KLHL14: variants seen among roughly 807,000 people sequenced by gnomAD.
KLHL14 encodes the protein kelch like family member 14.
KLHL14 carries 22 observed loss-of-function variants against 64.3 expected under a neutral mutation model. That is an observed-to-expected ratio of 0.34 (90% confidence interval 0.24 to 0.49). The LOEUF (loss-of-function observed/expected upper bound fraction) is 0.49, where lower values mean the gene tolerates loss of function less well. Ranked by LOEUF, KLHL14 falls within the 20% of genes least tolerant of loss-of-function variation. KLHL14 has a pLI of 0.99. For synonymous variants in KLHL14, 322 were observed against 333.4 expected, an observed-to-expected ratio of 0.97 and a Z score of 0.37; for missense variants, 661 against 789.0, an observed-to-expected ratio of 0.84 and a Z score of 1.94.
At chr18:32,675,472 ATTG>A (rs2049807204) in intron 8 of KLHL14, among the ~76,000 whole-genome samples, 1 of 152,216 alleles carries the variant, frequency 6.6e-6, no homozygotes, top group African/African-American at 2.4e-5. Flanking sequence ...TATATTTCAG[ATTG>A]TTGTCTCACT....
intron 3 of KLHL14, among the ~76,000 whole-genome samples, chr18:32,709,698 A>G (rs1300576890): frequency 1.3e-5 from 2 of 152,146 alleles, no homozygotes; most frequent in African/African-American, 2.4e-5. Context: ...ATTTATTTCT[A>G]TGCTAGTGTA....
chr18:32,729,481 C>A (rs975263265), intron 3 of KLHL14, among the ~76,000 whole-genome samples: 1 of 152,166 alleles, frequency 6.6e-6, no homozygotes, highest in African/African-American at 2.4e-5. Flanking sequence ...GTGCTATTAG[C>A]CTGTGCTAGA....
At chr18:32,741,743 T>C (rs943238517) in intron 3 of KLHL14, among the ~76,000 whole-genome samples, 185 bp downstream of exon 3, 1 of 152,166 alleles carries the variant, frequency 6.6e-6, no homozygotes, top group African/African-American at 2.4e-5. Flanking sequence ...GACTACCAAA[T>C]TGGCCACCTC....
At chr18:32,737,953 T>A (rs879611243) in intron 3 of KLHL14, 3 of 152,188 alleles carry the variant, frequency 2.0e-5, no homozygotes, top group Admixed American at 2.0e-4. Context: ...TAAAAAGAAG[T>A]CATCATTGGT....
intron 3 of KLHL14, among the ~76,000 whole-genome samples, chr18:32,726,354 C>G (rs1437804842): frequency 1.3e-5 from 2 of 152,046 alleles, no homozygotes; most frequent in African/African-American, 4.8e-5. Flanking sequence ...CCGGGTGCAG[C>G]GGCTCACACC....
intron 3 of KLHL14, among the ~76,000 whole-genome samples, chr18:32,739,641 T>TGC (rs201049843): frequency 2.6e-3 from 307 of 117,974 alleles, no homozygotes; most frequent in Non-Finnish European, 3.5e-3. Flanking sequence ...ATAAGAACTT[T>TGC]GCACACACAC....
chr18:32,760,024 T>C (rs1405650730), intron 2 of KLHL14, among the ~76,000 whole-genome samples: 1 of 152,196 alleles, frequency 6.6e-6, no homozygotes, highest in Non-Finnish European at 1.5e-5. Flanking sequence ...CCTTTTTTAA[T>C]CCCATCGCTT....
At chr18:32,719,625 A>G (rs1304598616) in intron 3 of KLHL14, among the ~76,000 whole-genome samples, 1 of 152,212 alleles carries the variant, frequency 6.6e-6, no homozygotes, top group African/African-American at 2.4e-5. Flanking sequence ...TCGTTTAGGC[A>G]CTATTCATTC....
Position 32,770,828 on chromosome 18 carries a change from G to A in KLHL14, c.-43-194C>T, listed in dbSNP as rs1350142893. On this transcript the variant is annotated intron_variant, in intron 1 of 8. Transcript: ENST00000359358. The surrounding 1 kb of genome is among the most constrained non-coding windows in gnomAD (Gnocchi z 6.7). ...GTCCGAAGACGCTGGATCCGTGAGCGCCACCAGAAGGGCCCTGTCTGGGGT... is the reference window on the plus strand; with the variant it reads ...GTCCGAAGACGCTGGATCCGTGAGCACCACCAGAAGGGCCCTGTCTGGGGT... 6.4e-5 allele frequency: 31 copies of A among 488,150 alleles called. No homozygotes were observed. The highest frequency in any genetic ancestry group is 1.1e-5 in the Non-Finnish European group (3 of 275,942). 30.2% of individuals were successfully genotyped at this position (488,150 alleles called of 1,614,324 possible). A position where few individuals can be genotyped will look rare whatever the true frequency, so the allele number is the denominator to read the frequency against.
chr18:32,708,051 G>A (rs2049999141), intron 3 of KLHL14, among the ~76,000 whole-genome samples: 1 of 152,172 alleles, frequency 6.6e-6, no homozygotes, highest in South Asian at 2.1e-4. Context: ...TTATCCAACA[G>A]AGAGGGTTTG....
rs61737324 is a variant in KLHL14 at position 32,770,202 on chromosome 18, G to A, written c.390C>T (p.Cys130=). 0.054 allele frequency: 87,292 copies of A among 1,611,440 alleles called. 2,853 individuals are homozygous for A. The highest frequency in any genetic ancestry group is 0.12 in the African/African-American group (8,799 of 74,966). ...GCACCAGGCGCAGCCCGATGGACGAGCAGCCCTGCAGCACCAGGTTGTTGA... is the reference window on the plus strand; with the variant it reads ...GCACCAGGCGCAGCCCGATGGACGAACAGCCCTGCAGCACCAGGTTGTTGA... ...RAINNLVLQG[C]SSIGLRLVLE... is the part of the protein sequence containing the mutation. The change falls in exon 2 of 9, where the codon TGC becomes TGT. Residue 130 remains cysteine, a synonymous_variant. Coordinates refer to ENST00000359358, the MANE Select transcript of KLHL14 (RefSeq NM_020805.3). This position sits in a 1 kb window ranked among gnomAD's most constrained non-coding sequence, Gnocchi z 6.7.
At chr18:32,723,851 G>A (rs2050092240) in intron 3 of KLHL14, among the ~76,000 whole-genome samples, 1 of 152,120 alleles carries the variant, frequency 6.6e-6, no homozygotes, top group Non-Finnish European at 1.5e-5. Context: ...ATTAAACAGT[G>A]TCATCTGTTT....
At chr18:32,689,487 T>C (rs2049896528) in intron 4 of KLHL14, among the ~76,000 whole-genome samples, 1 of 152,098 alleles carries the variant, frequency 6.6e-6, no homozygotes, top group Non-Finnish European at 1.5e-5. Flanking sequence ...TCAACAAGAA[T>C]TGCTTCAGTG....
intron 2 of KLHL14, among the ~76,000 whole-genome samples, chr18:32,760,251 G>T (rs560959034): frequency 3.4e-4 from 51 of 151,790 alleles, no homozygotes; most frequent in Non-Finnish European, 4.9e-4. Context: ...GACTTTATCT[G>T]ATAAAAAAAC....
rs552607952 is a variant in KLHL14 at position 32,696,983 on chromosome 18, C to T, written c.1070-1431G>A. Among the ~76,000 whole-genome samples, 7 of 152,268 alleles carry T rather than the reference C, an allele frequency of 4.6e-5. No individual in the cohort carries two copies. In the East Asian group the frequency reaches 1.3e-3, roughly 29 times the overall value. ...TAAATATGCATTGTTTTTGAACTTA[C>T]ATCCACAAGGCGGAAGGCATTGGTG... On this transcript the variant is annotated intron_variant, in intron 3 of 8. Transcript: ENST00000359358.
rs1418208705 is a variant in KLHL14, at chr18:32,769,903, G to A, written c.689C>T (p.Pro230Leu). 2 of 1,613,986 alleles carry A rather than the reference G, an allele frequency of 1.2e-6. No homozygotes were observed. The highest frequency in any genetic ancestry group is 2.7e-5 in the African/African-American group (2 of 74,940). The change falls in exon 2 of 9, where the codon CCC becomes CTC. Residue 230 changes from proline to leucine, a missense_variant. Transcript: ENST00000359358. ...GAGCGCCAGCTCCGACTCCACGGGG[G>A]GCGGCAGCGAGTCCAGCAGGGCGCG... Reference protein sequence around the residue: ...EMRALLDSLPPPVESELALFQ... With the variant: ...EMRALLDSLPLPVESELALFQ...
chr18:32,765,486 T>C (rs2050337393), intron 2 of KLHL14, among the ~76,000 whole-genome samples: 2 of 152,186 alleles, frequency 1.3e-5, no homozygotes, highest in East Asian at 1.9e-4. Flanking sequence ...TAATCAATGG[T>C]CCTGTTTCAG....
chr18:32,755,465 T>C (rs537555370), intron 2 of KLHL14, among the ~76,000 whole-genome samples: 2 of 152,156 alleles, frequency 1.3e-5, no homozygotes, highest in Admixed American at 6.5e-5. Context: ...CCCCTAGAAT[T>C]TGGTAATTCC....
At chr18:32,678,900 G>A (rs2049824240) in intron 7 of KLHL14, among the ~76,000 whole-genome samples, 3 of 152,064 alleles carry the variant, frequency 2.0e-5, no homozygotes, top group Non-Finnish European at 4.4e-5. Flanking sequence ...AACCTTAAAT[G>A]TTAGAAGATC....
Sources: allele counts gnomAD v4.1 joint callset (sites outside exome capture counted in the v4.1 genomes callset), GRCh38; gene constraint gnomAD v4.1.1; non-coding constraint Gnocchi (gnomAD v3.1); transcripts MANE v1.5; gene names NCBI Gene and HGNC (gene_info 2026-07-23, HGNC 2026-07-21).